Variants in ROBO1 observed in about 807,000 individuals in gnomAD.
The protein encoded by ROBO1 is roundabout guidance receptor 1, also known as roundabout homolog 1.
A neutral mutation model predicts 195.9 loss-of-function variants in ROBO1; 149 were observed. The observed-to-expected ratio is 0.76, with a 90% CI of 0.67 to 0.87. The LOEUF is 0.87. ROBO1 is among the 40% of genes least tolerant of loss of function. The probability of loss-of-function intolerance (pLI) is 0.00; values close to 1 mark genes in which losing one functional copy is unlikely to be tolerated. For synonymous variants in ROBO1, 816 were observed against 733.2 expected, an observed-to-expected ratio of 1.11 and a Z score of -1.82; for missense variants, 1,933 against 2,068.3, an observed-to-expected ratio of 0.93 and a Z score of 1.27.
At position 78,680,307 on chromosome 3, in the gene ROBO1, G is replaced by A. The variant is rs564737714; in HGVS notation, c.1342+5439C>T. On this transcript the variant is annotated intron_variant, in intron 10 of 30. Coordinates refer to ENST00000464233, the MANE Select transcript of ROBO1 (RefSeq NM_002941.4). ...CATGTCTAAAACACCAAAAGCAATG[G>A]CAACAAAAGTCAAAATTGACAAATG... Among the ~76,000 whole-genome samples, 98 of 152,220 alleles carry A rather than the reference G, an allele frequency of 6.4e-4. No individual in the cohort carries two copies. In the East Asian group the frequency reaches 0.012, roughly 19 times the overall value.
intron 4 of ROBO1, among the ~76,000 whole-genome samples, chr3:78,791,481 G>T (rs745774680): frequency 1.3e-5 from 2 of 152,272 alleles, no homozygotes; most frequent in South Asian, 4.1e-4. Context: ...AATATGCAGA[G>T]AATGGATATA....
chr3:79,061,653 A>G (rs1162898317), intron 3 of ROBO1, among the ~76,000 whole-genome samples: 3 of 152,166 alleles, frequency 2.0e-5, no homozygotes, highest in African/African-American at 7.2e-5. Flanking sequence ...CAAAACAGAT[A>G]TATAGACCAA....
At chr3:79,252,922 T>C (rs1559766998) in intron 2 of ROBO1, among the ~76,000 whole-genome samples, 1 of 152,150 alleles carries the variant, frequency 6.6e-6, no homozygotes, top group East Asian at 1.9e-4. Flanking sequence ...TAAATTATAC[T>C]AGTGTTCTCC....
At chr3:79,323,611 A>G (rs1294711196) in intron 2 of ROBO1, among the ~76,000 whole-genome samples, 1 of 152,220 alleles carries the variant, frequency 6.6e-6, no homozygotes, top group Non-Finnish European at 1.5e-5. Context: ...GGGACATAGT[A>G]TCATACATAA....
intron 2 of ROBO1, among the ~76,000 whole-genome samples, chr3:79,338,752 C>T (rs971035035): frequency 1.3e-5 from 2 of 152,082 alleles, no homozygotes; most frequent in Admixed American, 1.3e-4. Context: ...TACTCTCTAG[C>T]TTGGCTATTT....
chr3:78,906,291 G>A (rs892145924), intron 4 of ROBO1, among the ~76,000 whole-genome samples: 3 of 152,056 alleles, frequency 2.0e-5, no homozygotes, highest in African/African-American at 7.2e-5. Flanking sequence ...CTAGGCTCAA[G>A]TAGTGCCTCA....
chr3:79,709,644 C>A (rs1702196714), intron 1 of ROBO1, among the ~76,000 whole-genome samples: 1 of 152,102 alleles, frequency 6.6e-6, no homozygotes, highest in Admixed American at 6.6e-5. Flanking sequence ...TACTGGATGT[C>A]ACAATAACTA....
chr3:79,199,987 G>T (rs181304437), intron 2 of ROBO1, among the ~76,000 whole-genome samples: 46 of 151,804 alleles, frequency 3.0e-4, no homozygotes, highest in African/African-American at 9.6e-4. Flanking sequence ...CAGAAGGGAA[G>T]AATAGAGTAA....
chr3:78,702,631 T>C (rs939543856), intron 8 of ROBO1, among the ~76,000 whole-genome samples: 7 of 152,234 alleles, frequency 4.6e-5, no homozygotes, highest in Admixed American at 2.0e-4. Flanking sequence ...AATTTCATTC[T>C]CAGGCTGAGC....
intron 24 of ROBO1, among the ~76,000 whole-genome samples, chr3:78,631,852 GAA>G (rs1705206961): frequency 6.6e-6 from 1 of 152,122 alleles, no homozygotes; most frequent in South Asian, 2.1e-4. Context: ...AAAAGAAGCA[GAA>G]AAATGATTTT....
chr3:78,916,070 T>C lies in ROBO1; in HGVS notation c.499+22531A>G, dbSNP rs559235604. Among the ~76,000 whole-genome samples the C allele has an allele frequency of 4.1e-5, 6 of 147,822 alleles. No homozygotes were observed. In the South Asian group the frequency reaches 1.3e-3, roughly 32 times the overall value. On this transcript the variant is annotated intron_variant, in intron 4 of 30. Coordinates refer to ENST00000464233, the MANE Select transcript of ROBO1 (RefSeq NM_002941.4). ...ATCGAGACCATCCTGGCTAACACAG[T>C]GAAACCCCGTCTCTACTAAAAATAC... is the stretch of plus-strand genomic sequence containing the variant.
At chr3:79,389,646 G>A (rs1459342693) in intron 2 of ROBO1, among the ~76,000 whole-genome samples, 4 of 152,180 alleles carry the variant, frequency 2.6e-5, no homozygotes, top group Admixed American at 2.6e-4. Context: ...TTGGCAGTGA[G>A]CTCTGAATAT....
chr3:79,140,192 T>G (rs1020800262), intron 2 of ROBO1, among the ~76,000 whole-genome samples: 5 of 152,152 alleles, frequency 3.3e-5, no homozygotes, highest in Admixed American at 1.3e-4. Flanking sequence ...GCCACTTCCC[T>G]TAAGTATGTT....
chr3:78,987,329 A>C (rs1286739646), intron 3 of ROBO1, among the ~76,000 whole-genome samples: 1 of 152,166 alleles, frequency 6.6e-6, no homozygotes, highest in African/African-American at 2.4e-5. Flanking sequence ...ACAATAAAGT[A>C]AGTAAACAAC....
At chr3:79,754,724 C>T (rs1704296876) in intron 1 of ROBO1, among the ~76,000 whole-genome samples, 1 of 152,134 alleles carries the variant, frequency 6.6e-6, no homozygotes, top group African/African-American at 2.4e-5. Flanking sequence ...TCTTTCTTTG[C>T]TGCTCTGGAA....
At chr3:78,602,646 A>G (rs1703244496) in intron 29 of ROBO1, among the ~76,000 whole-genome samples, 1 of 152,138 alleles carries the variant, frequency 6.6e-6, no homozygotes, top group South Asian at 2.1e-4. Context: ...TTTCATCTTG[A>G]CCTGTAACAC....
chr3:79,043,958 A>G (rs1469443026), intron 3 of ROBO1, among the ~76,000 whole-genome samples: 1 of 152,110 alleles, frequency 6.6e-6, no homozygotes, highest in Non-Finnish European at 1.5e-5. Context: ...TTGCTCTACA[A>G]ATGTAATTAT....
intron 4 of ROBO1, among the ~76,000 whole-genome samples, chr3:78,906,236 C>T (rs2037905313): frequency 6.6e-6 from 1 of 152,098 alleles, no homozygotes; most frequent in Admixed American, 6.6e-5. Context: ...CCAAACTCCT[C>T]TCTCCTGTCT....
intron 3 of ROBO1, among the ~76,000 whole-genome samples, chr3:79,006,177 C>G (rs2077615791): frequency 6.6e-6 from 1 of 152,072 alleles, no homozygotes; most frequent in Non-Finnish European, 1.5e-5. Context: ...TGTTTGTTAG[C>G]TTTAGGACAA....
Sources: allele counts gnomAD v4.1 joint callset (sites outside exome capture counted in the v4.1 genomes callset), GRCh38; gene constraint gnomAD v4.1.1; transcripts MANE v1.5; gene names NCBI Gene and HGNC (gene_info 2026-07-23, HGNC 2026-07-21).